DGKB: variants seen among roughly 807,000 people sequenced by gnomAD.
The protein encoded by DGKB is diacylglycerol kinase beta.
DGKB carries 67 observed loss-of-function variants against 114.3 expected under a neutral mutation model. That is an observed-to-expected ratio of 0.59 (90% CI 0.48 to 0.72). The LOEUF is 0.72. Ranked by LOEUF, DGKB falls within the 30% of genes least tolerant of loss-of-function variation. The pLI, the probability that DGKB is intolerant of heterozygous loss-of-function variation, is 0.00. For synonymous variants in DGKB, 398 were observed against 323.1 expected (o/e 1.23, Z -2.49); for missense variants, 907 against 975.2 (o/e 0.93, Z 0.93).
At chr7:14,644,159 C>T (rs555281010) in intron 13 of DGKB, among the ~76,000 whole-genome samples, 33 of 151,556 alleles carry the variant, frequency 2.2e-4, no homozygotes, top group African/African-American at 7.3e-4. Context: ...ACTGTACCTA[C>T]CTAGAACTAA....
At chr7:14,724,409 T>C (rs1483975961) in intron 5 of DGKB, among the ~76,000 whole-genome samples, 4 of 152,184 alleles carry the variant, frequency 2.6e-5, no homozygotes, top group Non-Finnish European at 5.9e-5. Flanking sequence ...GCATTTTCAG[T>C]GAATAAGAAA....
At chr7:14,664,416 C>T (rs1227277294) in intron 13 of DGKB, among the ~76,000 whole-genome samples, 1 of 151,994 alleles carries the variant, frequency 6.6e-6, no homozygotes, top group African/African-American at 2.4e-5. Context: ...GCTAGCAAAG[C>T]TGTCTTTCTA....
chr7:14,455,525 T>C (rs973291872), intron 21 of DGKB, among the ~76,000 whole-genome samples: 6 of 152,030 alleles, frequency 3.9e-5, no homozygotes, highest in African/African-American at 1.4e-4. Flanking sequence ...TTCCAGTACA[T>C]ATACTGGTCT....
intron 20 of DGKB, among the ~76,000 whole-genome samples, chr7:14,562,208 A>G (rs897827404): frequency 1.3e-5 from 2 of 152,236 alleles, no homozygotes; most frequent in African/African-American, 4.8e-5. Context: ...TCAAGAATTG[A>G]GGTTTGGAAA....
At chr7:14,357,477 A>G (rs1814799367) in intron 21 of DGKB, among the ~76,000 whole-genome samples, 1 of 151,864 alleles carries the variant, frequency 6.6e-6, no homozygotes, top group Non-Finnish European at 1.5e-5. Context: ...CTTTATTTTG[A>G]GCCTATGTAT....
intron 21 of DGKB, among the ~76,000 whole-genome samples, chr7:14,430,313 G>C (rs1828268399): frequency 6.6e-6 from 1 of 152,042 alleles, no homozygotes; most frequent in Non-Finnish European, 1.5e-5. Flanking sequence ...TTGTTAGATT[G>C]TTAATTTTTG....
At chr7:14,558,950 C>T (rs559382183) in intron 20 of DGKB, among the ~76,000 whole-genome samples, 6 of 152,296 alleles carry the variant, frequency 3.9e-5, no homozygotes, top group East Asian at 1.9e-4. Context: ...TCTCCAGCAT[C>T]CATTTGAATC....
rs1337024533 is a variant in DGKB, at chr7:14,730,641, G to A, written c.322+5400C>T. Among the ~76,000 whole-genome samples the A allele has an allele frequency of 7.2e-5, 11 of 152,216 alleles. No homozygotes were observed. The South Asian group carries it at 2.3e-3, about 32-fold the overall frequency. On this transcript the variant is annotated intron_variant, in intron 5 of 25. Coordinates refer to ENST00000402815, the MANE Select transcript of DGKB (RefSeq NM_001350709.2). Reference sequence around the variant, plus strand: ...CAGATGCTATAGCCTACGTGACATGGTGCTTCATGGCCATGGAACTCTGAT... The same window carrying A: ...CAGATGCTATAGCCTACGTGACATGATGCTTCATGGCCATGGAACTCTGAT...
chr7:14,578,094 G>C (rs976247781), intron 19 of DGKB, among the ~76,000 whole-genome samples: 9 of 152,094 alleles, frequency 5.9e-5, no homozygotes, highest in African/African-American at 2.2e-4. Flanking sequence ...GTGGTGGTGA[G>C]TGAGTTCTCA....
intron 20 of DGKB, among the ~76,000 whole-genome samples, chr7:14,501,128 C>T (rs1362383266): frequency 6.6e-6 from 1 of 151,738 alleles, no homozygotes; most frequent in Non-Finnish European, 1.5e-5. Flanking sequence ...AAATCAAATC[C>T]AGTGTACTAC....
chr7:14,580,262 A>G (rs531475228), intron 19 of DGKB, among the ~76,000 whole-genome samples: 1 of 152,194 alleles, frequency 6.6e-6, no homozygotes, highest in South Asian at 2.1e-4. Context: ...TTTTTCTTCT[A>G]TGTCATATCC....
chr7:14,862,828 A>G (rs970589509), intron 1 of DGKB, among the ~76,000 whole-genome samples: 1 of 152,058 alleles, frequency 6.6e-6, no homozygotes, highest in Non-Finnish European at 1.5e-5. Context: ...AACATTCACT[A>G]TTTTGGATAT....
intron 23 of DGKB, among the ~76,000 whole-genome samples, chr7:14,307,049 T>G (rs1804592379): frequency 7.0e-6 from 1 of 143,838 alleles, no homozygotes; most frequent in Non-Finnish European, 1.6e-5. Context: ...TTATAGCACT[T>G]ATCATACTTT....
chr7:14,149,356 C>T (rs550345894), intron 25 of DGKB, 118 bp from the exon 26 acceptor site: 20 of 651,034 alleles, frequency 3.1e-5, no homozygotes, highest in Admixed American at 6.7e-5. Flanking sequence ...ACTGAAACAC[C>T]GCAAGTGTAA....
At position 14,200,370 on chromosome 7, in the gene DGKB, G is replaced by A. The variant is rs144790403; in HGVS notation, c.2123-22219C>T. ...CACTTTGGCTACCTCATTACCTAGT[G>A]AGACAACTCCTCATTGTTGAGCATA... On this transcript the variant is annotated intron_variant, in intron 23 of 25. Transcript: ENST00000402815. Among the ~76,000 whole-genome samples, 318 of 152,040 alleles carry A rather than the reference G, an allele frequency of 2.1e-3. 1 individual carries two copies. Among genetic ancestry groups the A allele is most frequent in the African/African-American group, 7.5e-3 (311 of 41,502 alleles).
chr7:14,155,609 T>G (rs1782897331), intron 25 of DGKB, among the ~76,000 whole-genome samples: 1 of 151,990 alleles, frequency 6.6e-6, no homozygotes, highest in African/African-American at 2.4e-5. Context: ...TGAAATAGAC[T>G]TTAGTCAGGG....
chr7:14,290,875 G>T (rs1211723799), intron 23 of DGKB, among the ~76,000 whole-genome samples: 1 of 152,092 alleles, frequency 6.6e-6, no homozygotes, highest in East Asian at 1.9e-4. Context: ...AGGCATGGTG[G>T]CACACGCCTG....
At chr7:14,702,771 T>C (rs1460973282) in intron 6 of DGKB, among the ~76,000 whole-genome samples, 2 of 152,190 alleles carry the variant, frequency 1.3e-5, no homozygotes, top group African/African-American at 4.8e-5. Context: ...TGATGGTCTA[T>C]TTGTAGGTGA....
chr7:14,291,458 T>G (rs1359396260), intron 23 of DGKB, among the ~76,000 whole-genome samples: 1 of 152,136 alleles, frequency 6.6e-6, no homozygotes, highest in African/African-American at 2.4e-5. Context: ...TGAAGTAAAA[T>G]GAGGTCTAAA....
Sources: gnomAD v4.1 joint callset for allele counts (sites outside exome capture counted in the v4.1 genomes callset) on GRCh38, gnomAD v4.1.1 for gene constraint, MANE v1.5 for transcripts, NCBI Gene and HGNC (gene_info 2026-07-23, HGNC 2026-07-21) for gene names.